The following ADGRL1 variants were observed in gnomAD, a reference collection of about 807,000 sequenced individuals.
ADGRL1 encodes CIRL-1.
A neutral mutation model predicts 148.9 loss-of-function variants in ADGRL1; 31 were observed. That is an observed-to-expected ratio of 0.21 (90% confidence interval 0.16 to 0.28). The LOEUF is 0.28. ADGRL1 is among the 10% of genes least tolerant of loss of function. ADGRL1 has a pLI of 1.00. For missense variants in ADGRL1, 1,521 were observed against 2,058.8 expected, an observed-to-expected ratio of 0.74 and a Z score of 5.05; for synonymous variants, 937 against 900.3, an observed-to-expected ratio of 1.04 and a Z score of -0.73.
At chr19:14,151,911 T>A (rs1488516338) in intron 22 of ADGRL1, among the ~76,000 whole-genome samples, 2 of 152,128 alleles carry the variant, frequency 1.3e-5, no homozygotes, top group Non-Finnish European at 2.9e-5. Context: ...GGCAACAGGA[T>A]CGCTTTCCTG....
Position 14,161,722 on chromosome 19 carries a change from C to CAGTAGATGAGGAAG in ADGRL1, c.1196-97_1196-96insCTTCCTCATCTACT. 1.1e-6 allele frequency: 1 copy of CAGTAGATGAGGAAG among 899,610 alleles called. No individual in the cohort carries two copies. Among genetic ancestry groups the CAGTAGATGAGGAAG allele is most frequent in the Non-Finnish European group, 1.5e-6 (1 of 661,892 alleles). 55.7% of individuals were successfully genotyped at this position (899,610 alleles called of 1,614,324 possible). Reference sequence around the variant, plus strand: ...TCCCAGGCCATCTTAGCATCTTCCTCATCTACTGAAGTGGAAACACGTGCC... The same window carrying CAGTAGATGAGGAAG: ...TCCCAGGCCATCTTAGCATCTTCCTCAGTAGATGAGGAAGATCTACTGAAGTGGAAACACGTGCC... On this transcript the variant is annotated intron_variant, in intron 5 of 22. Transcript: ENST00000361434. The surrounding 1 kb of genome is among the most constrained non-coding windows in gnomAD (Gnocchi z 4.4).
intron 3 of ADGRL1, chr19:14,171,116 C>T (rs73509769): frequency 4.2e-6 from 1 of 237,000 alleles, no homozygotes. Context: ...CTCTTTTCCT[C>T]CTACTCCAGC....
chr19:14,203,219 G>C (rs1972731689), intron 1 of ADGRL1, among the ~76,000 whole-genome samples: 1 of 152,336 alleles, frequency 6.6e-6, no homozygotes, highest in South Asian at 2.1e-4. Flanking sequence ...GGGGCTGGAG[G>C]AGGGGAAGTG....
rs1970142265 is a variant in ADGRL1 at position 14,167,965 on chromosome 19, CTG to C, written c.394+2715_394+2716del. Among the ~76,000 whole-genome samples the C allele has an allele frequency of 1.3e-5, 2 of 152,140 alleles. 1 individual carries two copies. Among genetic ancestry groups the C allele is most frequent in the South Asian group, 4.1e-4 (2 of 4,828 alleles). ...TAGGGGAGGAAGGGGCGCGGTTAGACTGTGCTCAGCTGCAAAGCAAATCCAGC... is the reference window on the plus strand; with the variant it reads ...TAGGGGAGGAAGGGGCGCGGTTAGACTGCTCAGCTGCAAAGCAAATCCAGC... On this transcript the variant is annotated intron_variant, in intron 4 of 22. Coordinates refer to ENST00000361434, the MANE Select transcript of ADGRL1 (RefSeq NM_014921.5).
chr19:14,162,571 A>G lies in ADGRL1; in HGVS notation c.1195+35T>C, dbSNP rs769152018. 1 of 1,564,182 alleles carries G rather than the reference A, an allele frequency of 6.4e-7. No homozygotes were observed. Among genetic ancestry groups the G allele is most frequent in the Non-Finnish European group, 8.7e-7 (1 of 1,149,654 alleles). On this transcript the variant is annotated intron_variant, in intron 5 of 22. Coordinates refer to ENST00000361434, the MANE Select transcript of ADGRL1 (RefSeq NM_014921.5). This position sits in a 1 kb window ranked among gnomAD's most constrained non-coding sequence, Gnocchi z 5.4. ...GGTGGGGGTGGAGGGGACAAAGGCA[A>G]GCAGGCTCCATGCCTGGAAGTGAGT... is the stretch of plus-strand genomic sequence containing the variant.
At chr19:14,164,367 A>T (rs1043438046) in intron 4 of ADGRL1, among the ~76,000 whole-genome samples, 29 of 152,072 alleles carry the variant, frequency 1.9e-4, no homozygotes, top group Admixed American at 5.2e-4. Flanking sequence ...ACAAGGGCGT[A>T]TGGGGCTTGG....
In ADGRL1 at chr19:14,156,177, T is replaced by A. The variant is rs758327700; in HGVS notation, c.3058A>T (p.Thr1020Ser). ...GAGCTTCGGATCATCTTGTGCAGGG[T>A]CACCATGAGGAACACCAGGTTGACC... ...IVVNLVFLMV[T>S]LHKMIRSSSV... The change falls in exon 17 of 23, where the codon ACC becomes TCC. Residue 1020 changes from threonine (T) to serine (S), a missense_variant. Physicochemically the swap from Thr to Ser is moderately conservative, Grantham distance 58. Coordinates refer to ENST00000361434, the MANE Select transcript of ADGRL1 (RefSeq NM_014921.5). 2 of 1,612,182 alleles carry A rather than the reference T, an allele frequency of 1.2e-6. No individual in the cohort carries two copies. The highest frequency in any genetic ancestry group is 1.7e-6 in the Non-Finnish European group (2 of 1,179,572).
intron 4 of ADGRL1, chr19:14,167,044 CG>C (rs1970039955): frequency 6.3e-7 from 1 of 1,598,778 alleles, no homozygotes; most frequent in Non-Finnish European, 8.5e-7. Context: ...CTTTAAGCAT[CG>C]GAAGAGAGAG....
chr19:14,164,385 C>A (rs1969744623), intron 4 of ADGRL1, among the ~76,000 whole-genome samples: 1 of 152,072 alleles, frequency 6.6e-6, no homozygotes, highest in East Asian at 1.9e-4. Flanking sequence ...TGGCGAGGTC[C>A]TGGCTCCGTG....
rs1354143798 is a variant in ADGRL1 at position 14,152,847 on chromosome 19, G to A, written c.3360C>T (p.Gly1120=). ...SYCCIRSPPG[G]THGSLKTSAM... ...CTGAGGTCTTGAGGGATCCGTGAGT[G>A]CCCCCGGGTGGGGAGCGGATGCAGC... Residue 1120 remains glycine, a synonymous_variant, in exon 19 of 23, where the codon GGC becomes GGT. Transcript: ENST00000361434. The surrounding 1 kb of genome is among the most constrained non-coding windows in gnomAD (Gnocchi z 6.1). 2 of 1,614,034 alleles carry A rather than the reference G, an allele frequency of 1.2e-6. No homozygotes were observed. Among genetic ancestry groups the A allele is most frequent in the Admixed American group, 1.7e-5 (1 of 60,028 alleles).
At chr19:14,154,068 T>C (rs1162491228) in intron 18 of ADGRL1, among the ~76,000 whole-genome samples, 2 of 151,016 alleles carry the variant, frequency 1.3e-5, no homozygotes, top group Admixed American at 6.6e-5. Context: ...AGAGCAGAGG[T>C]TGGAGGGAGG....
chr19:14,163,552 C>G (rs1049036261), intron 4 of ADGRL1, 146 bp from the exon 5 acceptor site: 2 of 658,036 alleles, frequency 3.0e-6, no homozygotes, highest in African/African-American at 3.7e-5. Flanking sequence ...GTTGTCCCCT[C>G]CTGCTGCTGC....
At chr19:14,153,027 A>G in intron 18 of ADGRL1, 115 bp from the exon 19 acceptor site, 1 of 1,256,784 alleles carries the variant, frequency 8.0e-7, no homozygotes, top group African/African-American at 1.5e-5. Context: ...CGAGCTTCCA[A>G]TGACTGTGTT....
chr19:14,155,397 C>A lies in ADGRL1; in HGVS notation c.3256G>T (p.Val1086Phe), dbSNP rs555125650. Residue 1086 changes from valine to phenylalanine, a missense_variant, in exon 18 of 23, where the codon GTC becomes TTC. Transcript: ENST00000361434. This position sits in a 1 kb window ranked among gnomAD's most constrained non-coding sequence, Gnocchi z 5.0. ...GCGCAGTGAAAGACGAAGATGAAGA[C>A]CCCCTGGAAGGCGTTGAAGGTGGTG... is the stretch of plus-strand genomic sequence containing the variant. ...LFTTFNAFQG[V>F]FIFVFHCALQ... 4 of 1,614,086 alleles carry A rather than the reference C, an allele frequency of 2.5e-6. No homozygotes were observed. Among genetic ancestry groups the A allele is most frequent in the East Asian group, 2.2e-5 (1 of 44,882 alleles).
rs1296417419 is a variant in ADGRL1 at position 14,184,642 on chromosome 19, ATTTAT to A, written c.-95-950_-95-946del. On this transcript the variant is annotated intron_variant, in intron 1 of 22. Coordinates refer to ENST00000361434, the MANE Select transcript of ADGRL1 (RefSeq NM_014921.5). ...TATTTATTTATTTATTTATTTATTTATTTATTTTTTTTTCTGAGACGGAGTCGTGC... is the reference window on the plus strand; with the variant it reads ...TATTTATTTATTTATTTATTTATTTATTTTTTTTCTGAGACGGAGTCGTGC... Among the ~76,000 whole-genome samples, 43 of 107,880 alleles carry A rather than the reference ATTTAT, an allele frequency of 4.0e-4. 3 individuals are homozygous for A. The highest frequency in any genetic ancestry group is 2.1e-3 in the African/African-American group (43 of 20,264). The allele number at this position is 107,880 out of a possible 152,430, so 70.8% of individuals were successfully genotyped here. A position where few individuals can be genotyped will look rare whatever the true frequency, so the allele number is the denominator to read the frequency against.
intron 1 of ADGRL1, among the ~76,000 whole-genome samples, chr19:14,188,505 G>T (rs139573868): frequency 1.2e-4 from 19 of 152,030 alleles, no homozygotes; most frequent in African/African-American, 4.6e-4. Context: ...ACCAAAATAA[G>T]CCCCTACATC....
rs1449441901 is a variant in ADGRL1 at position 14,163,004 on chromosome 19, G to A, written c.797C>T (p.Ala266Val). Residue 266 changes from alanine to valine, a missense_variant, in exon 5 of 23, where the codon GCG (alanine) becomes GTG (valine). Physicochemically the swap from Ala to Val is moderately conservative, Grantham distance 64. This residue lies in a region of ADGRL1 where 334 missense variants were observed against 512.5 expected (regional missense o/e 0.65). Coordinates refer to ENST00000361434, the MANE Select transcript of ADGRL1 (RefSeq NM_014921.5). ...GACCCACAGCCCGTTCTCGTCCACC[G>A]CCAGGTCAATGTCGGTCTTTCCGCC... is the stretch of plus-strand genomic sequence containing the variant. ...RWGGKTDIDL[A>V]VDENGLWVIY... 3 of 1,613,994 alleles carry A rather than the reference G, an allele frequency of 1.9e-6. No homozygotes were observed. The highest frequency in any genetic ancestry group is 1.7e-6 in the Non-Finnish European group (2 of 1,180,002).
intron 1 of ADGRL1, among the ~76,000 whole-genome samples, chr19:14,196,193 C>T (rs949675278): frequency 6.6e-6 from 1 of 152,202 alleles, no homozygotes; most frequent in African/African-American, 2.4e-5. Context: ...ATGAAACTGT[C>T]TACAGTATGT....
In ADGRL1 at chr19:14,163,034, C is replaced by T. The variant is rs368468552; in HGVS notation, c.767G>A (p.Arg256His). 1.5e-5 allele frequency: 25 copies of T among 1,614,074 alleles called. No homozygotes were observed. Among genetic ancestry groups the T allele is most frequent in the Non-Finnish European group, 2.0e-5 (24 of 1,180,026 alleles). Residue 256 changes from arginine to histidine, a missense_variant, in exon 5 of 23, where the codon CGC (arginine) becomes CAC (histidine). Around this residue, in one of 8 missense-constraint regions of ADGRL1, gnomAD observed 334 missense variants for 512.5 expected, o/e 0.65. Transcript: ENST00000361434. ...GTCAATGTCGGTCTTTCCGCCCCAG[C>T]GGTAGGGCGAGGTGTCATGGTAGTT... is the stretch of plus-strand genomic sequence containing the variant. Reference protein sequence around the residue: ...TANYHDTSPYRWGGKTDIDLA... With the variant: ...TANYHDTSPYHWGGKTDIDLA...
Sources: allele counts gnomAD v4.1 joint callset (sites outside exome capture counted in the v4.1 genomes callset), GRCh38; gene constraint gnomAD v4.1.1; regional missense constraint gnomAD v4.1.1; non-coding constraint Gnocchi (gnomAD v3.1); transcripts MANE v1.5; gene names NCBI Gene and HGNC (gene_info 2026-07-23, HGNC 2026-07-21).